CFAP251: variants seen among roughly 807,000 people sequenced by gnomAD.
CFAP251 encodes cilia- and flagella-associated protein 251.
In CFAP251, 93 loss-of-function variants were observed where a neutral mutation model predicts 126.7. That is an observed-to-expected ratio of 0.73 (90% CI 0.62 to 0.87). The LOEUF (loss-of-function observed/expected upper bound fraction) is 0.87. Among genes scored for constraint, CFAP251 ranks in the 40% least tolerant of loss-of-function variants. CFAP251 has a pLI of 0.00. For missense variants in CFAP251, 1,287 were observed against 1,389.2 expected, an observed-to-expected ratio of 0.93 and a Z score of 1.17; for synonymous variants, 503 against 506.9, an observed-to-expected ratio of 0.99 and a Z score of 0.10.
intron 7 of CFAP251, among the ~76,000 whole-genome samples, chr12:121,944,672 T>C (rs1040790762): frequency 2.6e-5 from 4 of 152,244 alleles, no homozygotes; most frequent in Non-Finnish European, 5.9e-5. Context: ...TTAATTTCTG[T>C]TTTAGATTGT....
chr12:121,924,883 G>A (rs893280065), intron 3 of CFAP251, among the ~76,000 whole-genome samples: 3 of 152,028 alleles, frequency 2.0e-5, no homozygotes, highest in African/African-American at 4.8e-5. Flanking sequence ...GCTATTTCAC[G>A]TGGGAGATCC....
At chr12:121,944,077 C>T (rs1401960808) in intron 7 of CFAP251, among the ~76,000 whole-genome samples, 2 of 152,162 alleles carry the variant, frequency 1.3e-5, no homozygotes, top group African/African-American at 4.8e-5. Flanking sequence ...AAGTTTCTAT[C>T]AGGTCTCCTT....
chr12:122,000,115 G>A (rs750481375), intron 20 of CFAP251, among the ~76,000 whole-genome samples, 171 bp downstream of exon 20: 23 of 152,172 alleles, frequency 1.5e-4, no homozygotes, highest in Admixed American at 2.6e-4. Context: ...TGGCAAGTAC[G>A]AAGTAATGGG....
At chr12:121,948,569 A>C (rs1394375720) in intron 7 of CFAP251, 1 of 154,880 alleles carries the variant, frequency 6.5e-6, no homozygotes, top group Non-Finnish European at 1.4e-5. Context: ...AAAATATAAA[A>C]ATTAGCTGGG....
At chr12:122,001,949 A>T in intron 21 of CFAP251, 1 of 277,898 alleles carries the variant, frequency 3.6e-6, no homozygotes, top group South Asian at 4.7e-5. Flanking sequence ...GGGGCCAGGC[A>T]CCATGGCTCA....
intron 11 of CFAP251, 82 bp downstream of exon 11, chr12:121,957,350 G>C (rs559275509): frequency 1.5e-6 from 2 of 1,366,766 alleles, no homozygotes; most frequent in East Asian, 2.4e-5. Context: ...TGGGAGGTTC[G>C]TGTTGTTCCT....
intron 19 of CFAP251, among the ~76,000 whole-genome samples, chr12:121,977,107 A>G (rs1882479549): frequency 6.6e-6 from 1 of 152,202 alleles, no homozygotes; most frequent in Non-Finnish European, 1.5e-5. Context: ...ACAAACACAG[A>G]TGGCAGAGCC....
chr12:121,978,564 A>G (rs1386005368), intron 19 of CFAP251, among the ~76,000 whole-genome samples: 1 of 151,966 alleles, frequency 6.6e-6, no homozygotes, highest in Admixed American at 6.6e-5. Flanking sequence ...ATCATTTTAT[A>G]TATGGACATA....
intron 10 of CFAP251, among the ~76,000 whole-genome samples, chr12:121,956,532 G>T (rs1881733395): frequency 6.6e-6 from 1 of 152,118 alleles, no homozygotes; most frequent in African/African-American, 2.4e-5. Context: ...TTTTGTGCTT[G>T]TCACCCAGGC....
At chr12:121,922,078 C>T (rs945344794) in intron 2 of CFAP251, among the ~76,000 whole-genome samples, 12 of 147,670 alleles carry the variant, frequency 8.1e-5, no homozygotes, top group Admixed American at 5.5e-4. Flanking sequence ...TACAGGCACA[C>T]GCCACCACGC....
At chr12:121,986,153 G>A (rs897898251) in intron 19 of CFAP251, among the ~76,000 whole-genome samples, 3 of 151,956 alleles carry the variant, frequency 2.0e-5, no homozygotes, top group Non-Finnish European at 4.4e-5. Context: ...ACCATGCCCA[G>A]CTAATTTTTT....
intron 19 of CFAP251, among the ~76,000 whole-genome samples, chr12:121,982,954 T>C (rs966413687): frequency 6.6e-6 from 1 of 151,786 alleles, no homozygotes; most frequent in Admixed American, 6.6e-5. Flanking sequence ...TTTTAAAAAT[T>C]GGGCTAGGCA....
At chr12:122,003,622 C>T in intron 21 of CFAP251, 30 bp from the exon 22 acceptor site, 2 of 1,531,424 alleles carry the variant, frequency 1.3e-6, no homozygotes, top group Non-Finnish European at 1.8e-6. Context: ...ATCATGAAGG[C>T]ATTTGGTGTT....
chr12:121,934,781 C>G (rs11043249), intron 5 of CFAP251, among the ~76,000 whole-genome samples: 19,204 of 152,244 alleles, frequency 0.13, 2,773 homozygotes, highest in African/African-American at 0.35. Flanking sequence ...TGCAGTCTCT[C>G]TCTAATTCTA....
rs1450470112 is a variant in CFAP251 at position 121,931,808 on chromosome 12, G to T, written c.810G>T (p.Arg270Ser). 1 of 1,605,672 alleles carries T rather than the reference G, an allele frequency of 6.2e-7. No individual in the cohort carries two copies. The highest frequency in any genetic ancestry group is 1.1e-5 in the South Asian group (1 of 89,150). The change falls in exon 4 of 22, where the codon AGG becomes AGT. Residue 270 changes from arginine to serine, a missense_variant. Arg to Ser is a moderately radical substitution (Grantham distance 110, BLOSUM62 -1). Transcript: ENST00000288912. ...CTGTTTACTATATTCGAGAGGAAAG[G>T]CAGAGAGTTCTTCTGTATGTTTGTG... ...SLPVYYIREE[R>S]QRVLLYVCAH...
At position 121,954,131 on chromosome 12, in the gene CFAP251, G is replaced by A. The variant is rs746855173; in HGVS notation, c.1332G>A (p.Lys444=). ...APLLTEKTFN[K]LVGKFSQSIF... The stretch of plus-strand genomic sequence containing the variant: ...TTCTTTTGAAACAGACCTTCAACAA[G>A]CTTGTGGGAAAGTTTAGCCAGTCCA... The change falls in exon 10 of 22, where the codon AAG becomes AAA. Residue 444 remains lysine, a synonymous_variant. Transcript: ENST00000288912. The A allele has an allele frequency of 1.9e-6, 3 of 1,613,874 alleles. No homozygotes were observed. Among genetic ancestry groups the A allele is most frequent in the Admixed American group, 1.7e-5 (1 of 59,992 alleles).
At chr12:121,969,172 C>T in intron 17 of CFAP251, 12 of 985,446 alleles carry the variant, frequency 1.2e-5, no homozygotes, top group Non-Finnish European at 1.4e-5. Context: ...CTGCCATCTG[C>T]CAAATGCACA....
chr12:121,969,120 G>T (rs888549837), intron 17 of CFAP251: 12 of 985,220 alleles, frequency 1.2e-5, no homozygotes, highest in African/African-American at 1.7e-5. Flanking sequence ...TTCCTTCCTC[G>T]GAAAACAAAC....
Position 121,966,935 on chromosome 12 carries a change from C to T in CFAP251, c.2493-20C>T, listed in dbSNP as rs79156433. 1.9e-6 allele frequency: 3 copies of T among 1,608,260 alleles called. No individual in the cohort carries two copies. The highest frequency in any genetic ancestry group is 1.6e-4 in the Middle Eastern group (1 of 6,070). ...TGAGATTTGTGGAATTTTAAAAACT[C>T]TTTCTCTTTTTGCCTTCAGAAAGAC... On this transcript the variant is annotated intron_variant, in intron 15 of 21. Transcript: ENST00000288912.
Sources: allele counts gnomAD v4.1 joint callset (sites outside exome capture counted in the v4.1 genomes callset), GRCh38; gene constraint gnomAD v4.1.1; transcripts MANE v1.5; gene names NCBI Gene and HGNC (gene_info 2026-07-23, HGNC 2026-07-21).